The following FRMD4B variants were observed in gnomAD, a reference collection of about 807,000 sequenced individuals.
The protein encoded by FRMD4B is FERM domain-containing protein 4B.
Under a neutral mutation model 141.5 loss-of-function variants are expected in FRMD4B, and 74 were observed. The ratio of observed to expected loss-of-function variants is 0.52; its 90% CI spans 0.43 to 0.63. The LOEUF (loss-of-function observed/expected upper bound fraction) is 0.63. FRMD4B is among the 30% of genes least tolerant of loss of function. The pLI is 0.00. For missense variants in FRMD4B, 1,366 were observed against 1,253.4 expected (o/e 1.09, Z -1.36); for synonymous variants, 506 against 467.9 (o/e 1.08, Z -1.05).
intron 2 of FRMD4B, among the ~76,000 whole-genome samples, chr3:69,397,479 G>A (rs373464697): frequency 5.3e-5 from 8 of 152,254 alleles, no homozygotes; most frequent in East Asian, 3.9e-4. Context: ...TTTATGGTAT[G>A]TGAATAAAAA....
rs11917502 is a variant in FRMD4B at position 69,530,913 on chromosome 3, T to C, written c.-129+11293A>G. On this transcript the variant is annotated intron_variant, in intron 1 of 5. Transcript: ENST00000459638. ...TTCCACAAAATAGGCACAGACCTAA[T>C]CTCGGGCCCTTACCTGGGCAAAGGC... Among the ~76,000 whole-genome samples the C allele has an allele frequency of 8.5e-3, 1,296 of 152,268 alleles. 21 individuals are homozygous for C. The highest frequency in any genetic ancestry group is 0.029 in the African/African-American group (1,195 of 41,546).
intron 1 of FRMD4B, among the ~76,000 whole-genome samples, chr3:69,454,427 G>T (rs746383359): frequency 6.6e-6 from 1 of 152,208 alleles, no homozygotes; most frequent in Admixed American, 6.5e-5. Context: ...TGCTTGCTGG[G>T]AGGTGTGGAG....
At chr3:69,489,045 T>C (rs926460016) in intron 1 of FRMD4B, among the ~76,000 whole-genome samples, 2 of 152,008 alleles carry the variant, frequency 1.3e-5, no homozygotes, top group African/African-American at 4.8e-5. Flanking sequence ...TTGGACATCA[T>C]TGAAATTTTT....
chr3:69,351,519 G>T (rs979622622), intron 1 of FRMD4B, among the ~76,000 whole-genome samples: 28 of 152,174 alleles, frequency 1.8e-4, no homozygotes, highest in Non-Finnish European at 4.4e-5. Context: ...GCACACCTGT[G>T]CACAGGCTTC....
chr3:69,336,349 G>A (rs1237452211), intron 1 of FRMD4B, among the ~76,000 whole-genome samples: 2 of 152,206 alleles, frequency 1.3e-5, no homozygotes, highest in Non-Finnish European at 2.9e-5. Flanking sequence ...TCTCATGCCT[G>A]CTAAAGTCTG....
At chr3:69,526,750 T>G (rs1700936897) in intron 1 of FRMD4B, among the ~76,000 whole-genome samples, 1 of 151,862 alleles carries the variant, frequency 6.6e-6, no homozygotes, top group African/African-American at 2.4e-5. Flanking sequence ...TCAACAGGAG[T>G]TAGCTTTCTT....
intron 1 of FRMD4B, among the ~76,000 whole-genome samples, chr3:69,500,357 C>A (rs1706472581): frequency 6.6e-6 from 1 of 152,106 alleles, no homozygotes; most frequent in Non-Finnish European, 1.5e-5. Context: ...GCGGAGGATC[C>A]CTAGGATATA....
chr3:69,516,939 A>T (rs1006924286), intron 1 of FRMD4B, among the ~76,000 whole-genome samples: 5 of 152,190 alleles, frequency 3.3e-5, no homozygotes, highest in Non-Finnish European at 5.9e-5. Flanking sequence ...TGCTGTGCCC[A>T]TATTTCTCTC....
chr3:69,434,805 A>G (rs1050455605), intron 1 of FRMD4B, among the ~76,000 whole-genome samples: 2 of 152,202 alleles, frequency 1.3e-5, no homozygotes, highest in African/African-American at 4.8e-5. Context: ...ATCACGCACT[A>G]TATTAGTTTG....
chr3:69,198,917 CA>C (rs1231558452), intron 11 of FRMD4B, 143 bp from the exon 12 acceptor site: 2 of 619,260 alleles, frequency 3.2e-6, no homozygotes, highest in Admixed American at 2.9e-5. Flanking sequence ...AGCCTTTTTA[CA>C]AATCAACTAT....
chr3:69,278,147 C>A (rs1483518619), intron 5 of FRMD4B, among the ~76,000 whole-genome samples: 1 of 152,158 alleles, frequency 6.6e-6, no homozygotes, highest in African/African-American at 2.4e-5. Flanking sequence ...AGCCACTGTG[C>A]CTGGCCTGAA....
At chr3:69,206,780 G>GT (rs1559716545) in intron 11 of FRMD4B, among the ~76,000 whole-genome samples, 8 of 152,208 alleles carry the variant, frequency 5.3e-5, no homozygotes, top group Non-Finnish European at 1.0e-4. Flanking sequence ...AGGGATTGTG[G>GT]CTTTTTCCTT....
At chr3:69,276,944 G>T (rs570904120) in intron 5 of FRMD4B, among the ~76,000 whole-genome samples, 1 of 152,156 alleles carries the variant, frequency 6.6e-6, no homozygotes, top group African/African-American at 2.4e-5. Flanking sequence ...CAGCCTGGGC[G>T]ACAGAACAAA....
At chr3:69,492,613 G>A (rs1443818624) in intron 1 of FRMD4B, among the ~76,000 whole-genome samples, 4 of 152,020 alleles carry the variant, frequency 2.6e-5, no homozygotes, top group South Asian at 2.1e-4. Context: ...GCCCTTCTGC[G>A]ACCCTGGAAG....
chr3:69,358,136 T>G lies in FRMD4B; in HGVS notation c.162+27692A>C, dbSNP rs1703377656. Among the ~76,000 whole-genome samples, 3 of 152,248 alleles carry G rather than the reference T, an allele frequency of 2.0e-5. No homozygotes were observed. In the South Asian group the frequency reaches 6.2e-4, roughly 32 times the overall value. ...ACATGCTGGTTTCTGTTTTTAATCT[T>G]TTATCAATCTGTATGTCAGAGCTCC... On this transcript the variant is annotated intron_variant, in intron 1 of 22. Transcript: ENST00000398540.
At chr3:69,434,364 G>A (rs1705228387) in intron 1 of FRMD4B, among the ~76,000 whole-genome samples, 1 of 152,136 alleles carries the variant, frequency 6.6e-6, no homozygotes, top group Admixed American at 6.6e-5. Context: ...AAGATAATAT[G>A]GATGCTATTA....
At chr3:69,204,865 T>G (rs1216945139) in intron 11 of FRMD4B, among the ~76,000 whole-genome samples, 4 of 152,004 alleles carry the variant, frequency 2.6e-5, no homozygotes, top group Non-Finnish European at 5.9e-5. Flanking sequence ...ACTATTTTAG[T>G]CTCACTATGC....
chr3:69,472,942 T>TA (rs1293363578), intron 1 of FRMD4B, among the ~76,000 whole-genome samples: 1 of 148,222 alleles, frequency 6.7e-6, no homozygotes, highest in Non-Finnish European at 1.5e-5. Flanking sequence ...TTTTTTCTTT[T>TA]TTTTTTTTTT....
intron 11 of FRMD4B, among the ~76,000 whole-genome samples, chr3:69,202,361 A>G (rs568427293): frequency 2.2e-4 from 33 of 151,712 alleles, no homozygotes; most frequent in Non-Finnish European, 4.0e-4. Flanking sequence ...TATGACATAT[A>G]TGTGTGTGTG....
Sources: allele counts gnomAD v4.1 joint callset (sites outside exome capture counted in the v4.1 genomes callset), GRCh38; gene constraint gnomAD v4.1.1; transcripts MANE v1.5; gene names NCBI Gene and HGNC (gene_info 2026-07-23, HGNC 2026-07-21).